The following MSRA variants were observed in gnomAD, a reference collection of about 807,000 sequenced individuals.
MSRA encodes the protein methionine sulfoxide reductase A, also known as mitochondrial peptide methionine sulfoxide reductase.
A neutral mutation model predicts 31.3 loss-of-function variants in MSRA; 54 were observed. That is an observed-to-expected ratio of 1.73 (90% CI 1.39 to 2.17). MSRA has a LOEUF of 2.17. Ranked by LOEUF, MSRA falls within the 30% of genes most tolerant of loss-of-function variation. The pLI is 0.00. For missense variants in MSRA, 507 were observed against 300.9 expected (o/e 1.69, Z -5.07); for synonymous variants, 169 against 116.5 (o/e 1.45, Z -2.90).
At chr8:10,327,260 C>A (rs1802414935) in intron 5 of MSRA, among the ~76,000 whole-genome samples, 1 of 152,182 alleles carries the variant, frequency 6.6e-6, no homozygotes, top group Non-Finnish European at 1.5e-5. Flanking sequence ...ACCCTTCCAT[C>A]CATCCACCCA....
intron 1 of MSRA, among the ~76,000 whole-genome samples, chr8:10,110,993 G>C (rs1447605559): frequency 1.3e-5 from 2 of 152,142 alleles, no homozygotes; most frequent in Non-Finnish European, 2.9e-5. Context: ...ACATTTTTAT[G>C]TAGGTTCTGT....
chr8:10,117,262 TG>T (rs533850509), intron 1 of MSRA, among the ~76,000 whole-genome samples: 1 of 151,982 alleles, frequency 6.6e-6, no homozygotes, highest in Non-Finnish European at 1.5e-5. Flanking sequence ...GAACATGGGA[TG>T]GGGGAGGAGA....
At chr8:10,265,957 G>C (rs1009883840) in intron 3 of MSRA, among the ~76,000 whole-genome samples, 1 of 152,222 alleles carries the variant, frequency 6.6e-6, no homozygotes, top group Non-Finnish European at 1.5e-5. Context: ...CCTGCTGAAT[G>C]ATATTCTCTT....
At chr8:10,152,117 T>C (rs1389063192) in intron 1 of MSRA, among the ~76,000 whole-genome samples, 1 of 152,246 alleles carries the variant, frequency 6.6e-6, no homozygotes, top group Non-Finnish European at 1.5e-5. Context: ...GTTGTGAACA[T>C]ATATTTGTGT....
intron 1 of MSRA, among the ~76,000 whole-genome samples, chr8:10,171,542 T>C (rs1185582228): frequency 6.6e-6 from 1 of 152,204 alleles, no homozygotes; most frequent in Non-Finnish European, 1.5e-5. Flanking sequence ...GAGTAAAATG[T>C]AAGAAGAAAT....
At chr8:10,242,875 A>G (rs1374768236) in intron 2 of MSRA, among the ~76,000 whole-genome samples, 3 of 152,170 alleles carry the variant, frequency 2.0e-5, no homozygotes, top group East Asian at 1.9e-4. Flanking sequence ...AAATGTGGAC[A>G]TTGACCATAT....
At chr8:10,255,348 C>G (rs1798121463) in intron 3 of MSRA, among the ~76,000 whole-genome samples, 1 of 152,224 alleles carries the variant, frequency 6.6e-6, no homozygotes, top group South Asian at 2.1e-4. Context: ...CCTGGCGGGC[C>G]AGGAGCCCCA....
intron 5 of MSRA, among the ~76,000 whole-genome samples, chr8:10,393,849 G>A (rs1806920441): frequency 1.3e-5 from 2 of 152,172 alleles, no homozygotes; most frequent in Non-Finnish European, 2.9e-5. Flanking sequence ...CACCTACATG[G>A]TCACTATTCA....
At chr8:10,184,415 T>G (rs1373157351) in intron 1 of MSRA, among the ~76,000 whole-genome samples, 1 of 152,100 alleles carries the variant, frequency 6.6e-6, no homozygotes, top group Non-Finnish European at 1.5e-5. Flanking sequence ...TAAACCTTGA[T>G]AACTACTTTC....
intron 5 of MSRA, among the ~76,000 whole-genome samples, chr8:10,394,424 A>C (rs1245694101): frequency 6.6e-6 from 1 of 152,262 alleles, no homozygotes; most frequent in Non-Finnish European, 1.5e-5. Context: ...ATGTTGTATC[A>C]AAGATGAAAA....
At position 10,156,539 on chromosome 8, in the gene MSRA, G is replaced by C. The variant is rs1182128072; in HGVS notation, c.143-51294G>C. On this transcript the variant is annotated intron_variant, in intron 1 of 5. Transcript: ENST00000317173. ...ATTCAATGCTATATCGTTTGTTTCTGTAGGTTTGATATTTTTGAAAATAAA... is the reference window on the plus strand; with the variant it reads ...ATTCAATGCTATATCGTTTGTTTCTCTAGGTTTGATATTTTTGAAAATAAA... 3.1e-4 allele frequency among the ~76,000 whole-genome samples: 47 copies of C among 152,156 alleles called. 1 individual carries two copies. Among genetic ancestry groups the C allele is most frequent in the Admixed American group, 3.1e-3 (47 of 15,272 alleles).
intron 4 of MSRA, among the ~76,000 whole-genome samples, chr8:10,307,312 G>A (rs760889014): frequency 5.9e-5 from 9 of 151,908 alleles, no homozygotes; most frequent in Non-Finnish European, 1.0e-4. Flanking sequence ...GATGACAGGT[G>A]CACGCCACCA....
At chr8:10,423,633 A>G (rs1348148369) in intron 5 of MSRA, among the ~76,000 whole-genome samples, 1 of 152,146 alleles carries the variant, frequency 6.6e-6, no homozygotes, top group Non-Finnish European at 1.5e-5. Context: ...GGGCTTTTTC[A>G]GGAGCCGTGG....
intron 1 of MSRA, among the ~76,000 whole-genome samples, chr8:10,154,542 T>C (rs1803989121): frequency 6.6e-6 from 1 of 152,008 alleles, no homozygotes; most frequent in African/African-American, 2.4e-5. Context: ...CACGCCCAAC[T>C]AATTTTTTGT....
chr8:10,428,162 C>G lies in MSRA; in HGVS notation c.558C>G (p.His186Gln), dbSNP rs139382033. 3 of 1,612,526 alleles carry G rather than the reference C, an allele frequency of 1.9e-6. No individual in the cohort carries two copies. Among genetic ancestry groups the G allele is most frequent in the Non-Finnish European group, 2.5e-6 (3 of 1,179,664 alleles). Reference sequence around the variant, plus strand: ...TGTCCCCACAGGTTCTTTCAGAGCACGGCTTCGGCCCCATCACTACCGACA... The same window carrying G: ...TGTCCCCACAGGTTCTTTCAGAGCAGGGCTTCGGCCCCATCACTACCGACA... ...KENYQKVLSE[H>Q]GFGPITTDIR... Residue 186 changes from histidine (H) to glutamine (Q), a missense_variant, in exon 6 of 6, where the codon CAC becomes CAG. Transcript: ENST00000317173.
chr8:10,357,820 C>T (rs895020252), intron 5 of MSRA, among the ~76,000 whole-genome samples: 7 of 152,224 alleles, frequency 4.6e-5, no homozygotes, highest in African/African-American at 1.4e-4. Flanking sequence ...TTATCAAATA[C>T]TGTGAGTTCA....
At chr8:10,389,790 C>CTTTT (rs55769720) in intron 5 of MSRA, among the ~76,000 whole-genome samples, 8 of 123,394 alleles carry the variant, frequency 6.5e-5, no homozygotes, top group East Asian at 2.6e-4. Flanking sequence ...GAAACTTACT[C>CTTTT]TTTTTTTTTT....
chr8:10,107,508 C>G (rs1303726555), intron 1 of MSRA, among the ~76,000 whole-genome samples: 3 of 152,126 alleles, frequency 2.0e-5, no homozygotes, highest in Admixed American at 6.5e-5. Context: ...TCAGAACATT[C>G]CTGTTTCATC....
intron 1 of MSRA, among the ~76,000 whole-genome samples, chr8:10,085,516 T>C (rs1295310875): frequency 2.0e-5 from 3 of 152,210 alleles, no homozygotes; most frequent in Non-Finnish European, 4.4e-5. Flanking sequence ...AGTGTCTTAG[T>C]CATCTCAATA....
Sources: allele counts gnomAD v4.1 joint callset (sites outside exome capture counted in the v4.1 genomes callset), GRCh38; gene constraint gnomAD v4.1.1; transcripts MANE v1.5; gene names NCBI Gene and HGNC (gene_info 2026-07-23, HGNC 2026-07-21).